Variants in ZNF680 observed in about 807,000 individuals in gnomAD.
The protein encoded by ZNF680 is hypothetical protein FLJ90430.
ZNF680 carries 6 observed loss-of-function variants against 12.1 expected under a neutral mutation model. The ratio of observed to expected loss-of-function variants is 0.49; its 90% CI spans 0.27 to 0.98. The LOEUF (loss-of-function observed/expected upper bound fraction) is 0.98. ZNF680 is among the 50% of genes least tolerant of loss of function. The pLI, the probability that ZNF680 is intolerant of heterozygous loss-of-function variation, is 0.12. For synonymous variants in ZNF680, 170 were observed against 199.3 expected, an observed-to-expected ratio of 0.85 and a Z score of 1.24; for missense variants, 561 against 616.3, an observed-to-expected ratio of 0.91 and a Z score of 0.95.
chr7:64,544,525 A>G, intron 1 of ZNF680, 93 bp from the exon 2 acceptor site: 7 of 1,518,844 alleles, frequency 4.6e-6, no homozygotes, highest in Non-Finnish European at 6.2e-6. Context: ...CTCAAGGCAA[A>G]GTAAGACAGT....
chr7:64,524,337 C>T (rs1403746600), intron 3 of ZNF680, among the ~76,000 whole-genome samples: 4 of 151,734 alleles, frequency 2.6e-5, no homozygotes, highest in African/African-American at 7.3e-5. Context: ...TTAGTAGAGA[C>T]GAGGTTTCAC....
chr7:64,544,239 T>G, intron 2 of ZNF680, 67 bp downstream of exon 2: 1 of 1,541,254 alleles, frequency 6.5e-7, no homozygotes, highest in Non-Finnish European at 8.7e-7. Flanking sequence ...TTACCACAAG[T>G]TATGCAAAAA....
chr7:64,542,929 C>T (rs1245932564), intron 3 of ZNF680, among the ~76,000 whole-genome samples: 1 of 152,162 alleles, frequency 6.6e-6, no homozygotes, highest in Non-Finnish European at 1.5e-5. Flanking sequence ...AAACTCCTGA[C>T]CTCAAGTGAT....
chr7:64,505,323 T>A, the ZNF680 span, among the ~76,000 whole-genome samples: 1 of 152,258 alleles, frequency 6.6e-6, no homozygotes, highest in Non-Finnish European at 1.5e-5. Context: ...AATCATACTG[T>A]TTAAAGCTCA....
At chr7:64,542,273 A>G (rs1786546447) in intron 3 of ZNF680, among the ~76,000 whole-genome samples, 1 of 152,180 alleles carries the variant, frequency 6.6e-6, no homozygotes, top group Non-Finnish European at 1.5e-5. Flanking sequence ...TAAAAACTTA[A>G]AGAGGTGTTT....
chr7:64,530,335 T>G (rs1016218258), intron 3 of ZNF680, among the ~76,000 whole-genome samples: 2 of 152,078 alleles, frequency 1.3e-5, no homozygotes, highest in South Asian at 2.1e-4. Flanking sequence ...AATACTAACA[T>G]TGAATGTAAG....
chr7:64,521,994 TA>T lies in ZNF680; in HGVS notation c.759del (p.Ile254LeufsTer33). The T allele has an allele frequency of 6.2e-7, 1 of 1,612,770 alleles. No individual in the cohort carries two copies. Among genetic ancestry groups the T allele is most frequent in the Non-Finnish European group, 8.5e-7 (1 of 1,179,494 alleles). On this transcript the variant is annotated frameshift_variant, in exon 4 of 4. Transcript: ENST00000309683. LOFTEE classifies it low-confidence loss of function (END_TRUNC). ...TCAATATGAATTTTCTTATGTTTAA[TA>T]AGGGTTGAGGATTGGTTAAAGGCTT... ...CGKAFNQSST[L>X]IKHKKIHIEE...
chr7:64,522,862 T>C (rs1024061656), intron 3 of ZNF680, among the ~76,000 whole-genome samples: 2 of 151,738 alleles, frequency 1.3e-5, no homozygotes, highest in African/African-American at 4.8e-5. Context: ...GTGTGTGATA[T>C]AGTCAAAGTC....
chr7:64,552,924 A>C (rs1787160982), intron 1 of ZNF680, among the ~76,000 whole-genome samples: 1 of 152,146 alleles, frequency 6.6e-6, no homozygotes, highest in Non-Finnish European at 1.5e-5. Flanking sequence ...TCAGGAGTTC[A>C]AGACCAGCCT....
chr7:64,522,687 C>T (rs868813220), intron 3 of ZNF680, among the ~76,000 whole-genome samples, 187 bp from the exon 4 acceptor site: 1 of 149,162 alleles, frequency 6.7e-6, no homozygotes, highest in South Asian at 2.1e-4. Flanking sequence ...TTAGGATACA[C>T]ACAATGATAT....
At position 64,544,356 on chromosome 7, in the gene ZNF680, T is replaced by G; in HGVS notation, c.107A>C (p.Asn36Thr). Residue 36 changes from asparagine to threonine, a missense_variant, in exon 2 of 4, where the codon AAT (asparagine) becomes ACT (threonine). Asn to Thr is a moderately conservative substitution (Grantham distance 65, BLOSUM62 0). Transcript: ENST00000309683. The stretch of plus-strand genomic sequence containing the variant: ...CTCAAACATCACTTTCCTATATAAA[T>G]TCCGTTGTGCAGTGTCCAGGCATTG... ...EWQCLDTAQRNLYRKVMFENY... is the reference protein window; with the variant it reads ...EWQCLDTAQRTLYRKVMFENY... 1 of 1,605,206 alleles carries G rather than the reference T, an allele frequency of 6.2e-7. No individual in the cohort carries two copies. Among genetic ancestry groups the G allele is most frequent in the Non-Finnish European group, 8.5e-7 (1 of 1,174,462 alleles).
chr7:64,521,721 T>C lies in ZNF680; in HGVS notation c.1033A>G (p.Thr345Ala), dbSNP rs865828953. Reference protein sequence around the residue: ...SNLTKHKKIHTGEKPYKCEEC... With the variant: ...SNLTKHKKIHAGEKPYKCEEC... Reference sequence around the variant, plus strand: ...TCACATTTGTAGGGTTTCTCTCCAGTATGAATTTTCTTATGTTTAGTAAGG... The same window carrying C: ...TCACATTTGTAGGGTTTCTCTCCAGCATGAATTTTCTTATGTTTAGTAAGG... The change falls in exon 4 of 4, where the codon ACT becomes GCT. Residue 345 changes from threonine to alanine, a missense_variant. Thr to Ala is a moderately conservative substitution (Grantham distance 58). Coordinates refer to ENST00000309683, the MANE Select transcript of ZNF680 (RefSeq NM_178558.5). 6 of 1,612,726 alleles carry C rather than the reference T, an allele frequency of 3.7e-6. No homozygotes were observed. In the Middle Eastern group the frequency reaches 9.9e-4, roughly 266 times the overall value.
chr7:64,553,169 T>C (rs925951310), intron 1 of ZNF680, among the ~76,000 whole-genome samples: 4 of 150,348 alleles, frequency 2.7e-5, no homozygotes, highest in East Asian at 3.9e-4. Flanking sequence ...TGTCTACAAA[T>C]GCTTCCTGTG....
Position 64,549,598 on chromosome 7 carries a change from G to A in ZNF680, c.31-5166C>T, listed in dbSNP as rs373866191. On this transcript the variant is annotated intron_variant, in intron 1 of 3. Transcript: ENST00000309683. ...TCAACCTAGCTCTGCATTCTTGGGTGTTACAGCAAATGAGGTACAACCAAA... is the reference window on the plus strand; with the variant it reads ...TCAACCTAGCTCTGCATTCTTGGGTATTACAGCAAATGAGGTACAACCAAA... Among the ~76,000 whole-genome samples the A allele has an allele frequency of 8.2e-4, 125 of 151,908 alleles. 1 individual carries two copies. Among genetic ancestry groups the A allele is most frequent in the African/African-American group, 2.9e-3 (119 of 41,434 alleles).
intron 3 of ZNF680, among the ~76,000 whole-genome samples, chr7:64,531,813 A>T (rs1001936494): frequency 4.6e-5 from 7 of 152,170 alleles, no homozygotes; most frequent in Admixed American, 2.0e-4. Context: ...GAAAGTTCAT[A>T]GCCCTAAATG....
chr7:64,502,765 A>G, the ZNF680 span, among the ~76,000 whole-genome samples: 1 of 144,988 alleles, frequency 6.9e-6, no homozygotes, highest in South Asian at 2.3e-4. Context: ...TTGATTCACC[A>G]GAGGATTGAA....
chr7:64,536,446 T>C (rs1226327263), intron 3 of ZNF680, among the ~76,000 whole-genome samples: 1 of 152,134 alleles, frequency 6.6e-6, no homozygotes, highest in Non-Finnish European at 1.5e-5. Flanking sequence ...ACAGAGCAAG[T>C]GTGAGGTGAA....
chr7:64,502,896 CT>C, the ZNF680 span, among the ~76,000 whole-genome samples: 21 of 147,800 alleles, frequency 1.4e-4, no homozygotes, highest in South Asian at 4.3e-4. Context: ...CGTCTGTGAA[CT>C]TTTTTTTTTT....
At chr7:64,505,847 G>C in the ZNF680 span, among the ~76,000 whole-genome samples, 1 of 151,406 alleles carries the variant, frequency 6.6e-6, no homozygotes, top group Non-Finnish European at 1.5e-5. Context: ...CAGGAATGAT[G>C]ACAATATACA....
Sources: gnomAD v4.1 joint callset for allele counts (sites outside exome capture counted in the v4.1 genomes callset) on GRCh38, gnomAD v4.1.1 for gene constraint, MANE v1.5 for transcripts, NCBI Gene and HGNC (gene_info 2026-07-23, HGNC 2026-07-21) for gene names.